The following MRTFA variants were observed in gnomAD, a reference collection of about 807,000 sequenced individuals.
MRTFA encodes the protein myocardin related transcription factor A, also known as myocardin-related transcription factor A.
Under a neutral mutation model 83.5 loss-of-function variants are expected in MRTFA, and 20 were observed. That is an observed-to-expected ratio of 0.24 (90% confidence interval 0.17 to 0.35). MRTFA has a LOEUF of 0.35. Ranked by LOEUF, MRTFA falls within the 10% of genes least tolerant of loss-of-function variation. The pLI is 1.00. For synonymous variants in MRTFA, 659 were observed against 541.2 expected, an observed-to-expected ratio of 1.22 and a Z score of -3.02; for missense variants, 1,200 against 1,224.7, an observed-to-expected ratio of 0.98 and a Z score of 0.30.
chr22:40,428,489 C>G (rs574693571), intron 7 of MRTFA, among the ~76,000 whole-genome samples: 1 of 152,156 alleles, frequency 6.6e-6, no homozygotes, highest in Non-Finnish European at 1.5e-5. Context: ...AGGCCCTGCA[C>G]GTCCTGAACT....
At chr22:40,587,103 C>T (rs571139500) in intron 2 of MRTFA, 74 of 452,374 alleles carry the variant, frequency 1.6e-4, no homozygotes, top group African/African-American at 1.2e-3. Flanking sequence ...CTTCCTGCAA[C>T]GTGCTTGAAG....
chr22:40,443,208 T>C (rs2053312022), intron 4 of MRTFA, among the ~76,000 whole-genome samples: 1 of 151,864 alleles, frequency 6.6e-6, no homozygotes. Context: ...GCCAAGATCA[T>C]GCCACTGCAC....
Position 40,509,982 on chromosome 22 carries a change from T to C in MRTFA, c.241+42124A>G, listed in dbSNP as rs191582688. On this transcript the variant is annotated intron_variant, in intron 3 of 14. Transcript: ENST00000355630. ...ATCAAGAAACAGCAGCCAAGTACTT[T>C]AAAAAAAAAAAAAAAGTGAAGTTAA... 2.1e-3 allele frequency among the ~76,000 whole-genome samples: 223 copies of C among 108,116 alleles called. 1 individual carries two copies. Among genetic ancestry groups the C allele is most frequent in the African/African-American group, 7.7e-3 (213 of 27,560 alleles). 70.9% of individuals were successfully genotyped at this position (108,116 alleles called of 152,430 possible). A position where few individuals can be genotyped will look rare whatever the true frequency, so the allele number is the denominator to read the frequency against.
intron 1 of MRTFA, among the ~76,000 whole-genome samples, chr22:40,604,427 GC>G (rs972922608): frequency 6.6e-6 from 1 of 151,396 alleles, no homozygotes; most frequent in African/African-American, 2.4e-5. Flanking sequence ...ACCGTACCCG[GC>G]CCTAAAACTG....
At chr22:40,570,584 A>G (rs1158421930) in intron 2 of MRTFA, among the ~76,000 whole-genome samples, 1 of 148,076 alleles carries the variant, frequency 6.8e-6, no homozygotes, top group Non-Finnish European at 1.5e-5. Context: ...TCTCAAAAAA[A>G]AAAAAAAAAA....
At chr22:40,485,001 G>A (rs1602318660) in intron 3 of MRTFA, among the ~76,000 whole-genome samples, 1 of 151,630 alleles carries the variant, frequency 6.6e-6, no homozygotes, top group Non-Finnish European at 1.5e-5. Flanking sequence ...GCATCTGGGA[G>A]TAGGAGGTTG....
intron 3 of MRTFA, among the ~76,000 whole-genome samples, chr22:40,551,772 T>C (rs1409363400): frequency 6.6e-6 from 1 of 152,202 alleles, no homozygotes; most frequent in African/African-American, 2.4e-5. Context: ...CGATAGAGTA[T>C]GTTTCCTAAT....
chr22:40,515,676 A>T (rs1269587247), intron 3 of MRTFA, among the ~76,000 whole-genome samples: 3 of 152,178 alleles, frequency 2.0e-5, no homozygotes, highest in African/African-American at 7.2e-5. Context: ...GCAAAGAGAA[A>T]ACAGCAGCAG....
chr22:40,532,323 C>T (rs1258448232), intron 3 of MRTFA, among the ~76,000 whole-genome samples: 1 of 152,156 alleles, frequency 6.6e-6, no homozygotes, highest in Non-Finnish European at 1.5e-5. Context: ...AAAATCTACC[C>T]CTCAAGATAA....
intron 2 of MRTFA, among the ~76,000 whole-genome samples, chr22:40,588,372 C>G (rs1364968081): frequency 6.6e-6 from 1 of 152,066 alleles, no homozygotes; most frequent in Non-Finnish European, 1.5e-5. Context: ...TACTGATTTA[C>G]CAAAGTATTT....
At chr22:40,600,859 T>G (rs983752481) in intron 1 of MRTFA, among the ~76,000 whole-genome samples, 32 of 152,110 alleles carry the variant, frequency 2.1e-4, no homozygotes, top group Admixed American at 1.8e-3. Context: ...ACGCCTGTAG[T>G]CCCAGCTACT....
intron 3 of MRTFA, among the ~76,000 whole-genome samples, chr22:40,541,608 C>T (rs543747348): frequency 2.6e-5 from 4 of 152,264 alleles, no homozygotes; most frequent in African/African-American, 9.6e-5. Flanking sequence ...TCACACATTA[C>T]CACAGGTATA....
At chr22:40,455,387 C>A (rs2053563979) in intron 4 of MRTFA, among the ~76,000 whole-genome samples, 1 of 151,846 alleles carries the variant, frequency 6.6e-6, no homozygotes, top group African/African-American at 2.4e-5. Context: ...TGGCTCACAC[C>A]TGTAATCCCA....
In MRTFA at chr22:40,423,691, A is replaced by G; in HGVS notation, c.778-6T>C. ...ATCGGAAGTTGAGACACAACCTGAGAGGGAAAAAGGGAAGTGAGGACATGG... is the reference window on the plus strand; with the variant it reads ...ATCGGAAGTTGAGACACAACCTGAGGGGGAAAAAGGGAAGTGAGGACATGG... On this transcript the variant is annotated splice_region_variant and splice_polypyrimidine_tract_variant and intron_variant, in intron 8 of 14. Transcript: ENST00000355630. 1 of 1,534,012 alleles carries G rather than the reference A, an allele frequency of 6.5e-7. No individual in the cohort carries two copies. The highest frequency in any genetic ancestry group is 8.8e-7 in the Non-Finnish European group (1 of 1,134,828).
intron 3 of MRTFA, among the ~76,000 whole-genome samples, chr22:40,508,773 T>C (rs1192428270): frequency 4.0e-5 from 6 of 151,200 alleles, no homozygotes; most frequent in Admixed American, 2.0e-4. Context: ...ATCCCAACAA[T>C]TTTGGAGGCC....
chr22:40,428,313 G>C (rs529889415), intron 7 of MRTFA, among the ~76,000 whole-genome samples: 32 of 152,334 alleles, frequency 2.1e-4, no homozygotes, highest in African/African-American at 7.0e-4. Context: ...AAAAGAAATG[G>C]AGGACACCCA....
At chr22:40,619,580 T>C (rs969219797) in intron 1 of MRTFA, among the ~76,000 whole-genome samples, 2 of 151,988 alleles carry the variant, frequency 1.3e-5, no homozygotes, top group African/African-American at 4.8e-5. Flanking sequence ...GAAAAATTAA[T>C]AGGAGAAATG....
intron 4 of MRTFA, among the ~76,000 whole-genome samples, chr22:40,440,656 T>C (rs1602245555): frequency 6.6e-6 from 1 of 152,014 alleles, no homozygotes; most frequent in East Asian, 1.9e-4. Context: ...TGCACTGGGG[T>C]TTGAGGTGGA....
At chr22:40,582,665 TACACACACACACAC>T (rs3044561) in intron 2 of MRTFA, among the ~76,000 whole-genome samples, 3 of 143,024 alleles carry the variant, frequency 2.1e-5, no homozygotes, top group Non-Finnish European at 3.1e-5. Context: ...TATACACACA[TACACACACACACAC>T]ACACACACAC....
Sources: gnomAD v4.1 joint callset for allele counts (sites outside exome capture counted in the v4.1 genomes callset) on GRCh38, gnomAD v4.1.1 for gene constraint, MANE v1.5 for transcripts, NCBI Gene and HGNC (gene_info 2026-07-23, HGNC 2026-07-21) for gene names.